Variants in MARCHF3 observed in about 807,000 individuals in gnomAD.
MARCHF3 encodes membrane associated ring-CH-type finger 3.
MARCHF3 carries 13 observed loss-of-function variants against 24.2 expected under a neutral mutation model. The ratio of observed to expected loss-of-function variants is 0.54; its 90% confidence interval spans 0.35 to 0.85. The LOEUF (loss-of-function observed/expected upper bound fraction) is 0.85, where lower values mean the gene tolerates loss of function less well. Ranked by LOEUF, MARCHF3 falls within the 40% of genes least tolerant of loss-of-function variation. MARCHF3 has a pLI of 0.01. For synonymous variants in MARCHF3, 144 were observed against 137.3 expected, an observed-to-expected ratio of 1.05 and a Z score of -0.34; for missense variants, 276 against 325.0, an observed-to-expected ratio of 0.85 and a Z score of 1.16.
At chr5:127,010,359 GA>G (rs780802993) in intron 1 of MARCHF3, among the ~76,000 whole-genome samples, 108 of 152,252 alleles carry the variant, frequency 7.1e-4, no homozygotes, top group Middle Eastern at 3.4e-3. Flanking sequence ...TACACTCCTG[GA>G]TATTTTCCAG....
In MARCHF3 at chr5:126,915,033, T is replaced by A; in HGVS notation, c.290A>T (p.His97Leu). 1.9e-6 allele frequency: 3 copies of A among 1,614,202 alleles called. No homozygotes were observed. Among genetic ancestry groups the A allele is most frequent in the Non-Finnish European group, 2.5e-6 (3 of 1,180,026 alleles). ...CECTGTLGTI[H>L]RSCLEHWLSS... ...CAGCCAGTGCTCCAGGCAGCTCCGA[T>A]GAATTGTCCCCAAGGTCCCTGTACA... The change falls in exon 3 of 5, where the codon CAT becomes CTT. Residue 97 changes from histidine to leucine, a missense_variant. Transcript: ENST00000308660.
intron 1 of MARCHF3, among the ~76,000 whole-genome samples, chr5:126,969,146 A>T (rs1380889253): frequency 1.3e-5 from 2 of 152,196 alleles, no homozygotes; most frequent in African/African-American, 4.8e-5. Flanking sequence ...GTTCTTATGC[A>T]TCTGAATTTT....
intron 3 of MARCHF3, among the ~76,000 whole-genome samples, chr5:126,902,626 C>T (rs937395164): frequency 3.9e-5 from 6 of 152,112 alleles, no homozygotes; most frequent in Non-Finnish European, 7.3e-5. Flanking sequence ...CCATCTGGCA[C>T]GGTCATGTGA....
Position 126,916,692 on chromosome 5 carries a change from G to GACAGACAC in MARCHF3, c.188+1291_188+1292insGTGTCTGT, listed in dbSNP as rs750408549. The stretch of plus-strand genomic sequence containing the variant: ...AAAATACCTGACAGACAGACAGACA[G>GACAGACAC]ACACACACACACACACACACACACA... On this transcript the variant is annotated intron_variant, in intron 2 of 4. Transcript: ENST00000308660. 7.6e-4 allele frequency among the ~76,000 whole-genome samples: 99 copies of GACAGACAC among 130,556 alleles called. 1 individual carries two copies. Among genetic ancestry groups the GACAGACAC allele is most frequent in the South Asian group, 2.4e-3 (9 of 3,772 alleles). The allele number at this position is 130,556 out of a possible 152,430, so 85.6% of individuals were successfully genotyped here.
At chr5:126,989,328 C>A (rs1175476444) in intron 1 of MARCHF3, among the ~76,000 whole-genome samples, 22 of 149,292 alleles carry the variant, frequency 1.5e-4, no homozygotes, top group African/African-American at 4.8e-4. Context: ...ACTACTACTA[C>A]TACTACTACT....
chr5:126,969,554 A>G (rs1750930797), intron 1 of MARCHF3, among the ~76,000 whole-genome samples: 1 of 152,228 alleles, frequency 6.6e-6, no homozygotes, highest in Non-Finnish European at 1.5e-5. Context: ...AATGTAGAGA[A>G]AAGGAAGCAA....
chr5:126,992,254 CTT>C (rs141484604), intron 1 of MARCHF3, among the ~76,000 whole-genome samples: 2,505 of 152,260 alleles, frequency 0.016, 65 homozygotes, highest in African/African-American at 0.057. Context: ...ATTTATTAGT[CTT>C]TATCATTCTG....
intron 1 of MARCHF3, among the ~76,000 whole-genome samples, chr5:126,961,852 C>T (rs1305405276): frequency 6.6e-6 from 1 of 152,178 alleles, no homozygotes; most frequent in Non-Finnish European, 1.5e-5. Context: ...CTAGGTGGAG[C>T]TTGTTTACAT....
At chr5:126,932,890 T>C (rs1749524386) in intron 1 of MARCHF3, among the ~76,000 whole-genome samples, 1 of 152,126 alleles carries the variant, frequency 6.6e-6, no homozygotes. Context: ...ATGGTCCTAT[T>C]TTTTTCTGGG....
intron 1 of MARCHF3, among the ~76,000 whole-genome samples, chr5:126,967,079 A>G (rs1450618773): frequency 6.6e-6 from 1 of 150,804 alleles, no homozygotes; most frequent in Non-Finnish European, 1.5e-5. Flanking sequence ...CCCTAGGAGT[A>G]TACACTCCTA....
At chr5:126,885,347 C>T (rs997316698) in intron 3 of MARCHF3, among the ~76,000 whole-genome samples, 1 of 152,064 alleles carries the variant, frequency 6.6e-6, no homozygotes, top group African/African-American at 2.4e-5. Context: ...GCAGGTGGAT[C>T]GTCTGAGGGC....
intron 1 of MARCHF3, among the ~76,000 whole-genome samples, chr5:126,987,370 A>C (rs1419430473): frequency 6.6e-6 from 1 of 152,234 alleles, no homozygotes; most frequent in Non-Finnish European, 1.5e-5. Context: ...AAGAAAATAA[A>C]AAAGACTGTA....
intron 1 of MARCHF3, among the ~76,000 whole-genome samples, chr5:126,986,568 T>C (rs1431214389): frequency 6.6e-6 from 1 of 152,184 alleles, no homozygotes; most frequent in Non-Finnish European, 1.5e-5. Context: ...TTCATTTAAA[T>C]AGGTCAGAGT....
intron 1 of MARCHF3, among the ~76,000 whole-genome samples, chr5:126,991,448 AATG>A (rs1390557112): frequency 6.6e-5 from 10 of 152,154 alleles, no homozygotes; most frequent in Admixed American, 6.5e-4. Context: ...ACCTAATGTA[AATG>A]ATGAGTTGAT....
intron 3 of MARCHF3, among the ~76,000 whole-genome samples, chr5:126,909,174 C>T (rs565267997): frequency 1.8e-4 from 27 of 152,322 alleles, no homozygotes; most frequent in Admixed American, 2.0e-4. Flanking sequence ...GCAGTCTGCC[C>T]GTTCTCAGAT....
chr5:126,870,407 C>A lies in MARCHF3; in HGVS notation c.*226G>T, dbSNP rs1007857752. On this transcript the variant is annotated 3_prime_UTR_variant, in exon 5 of 5. Transcript: ENST00000308660. ...GTATCTGCTAAATAAACATGTTTGGCAGCTTAGCAAATATCATATGATTGC... is the reference window on the plus strand; with the variant it reads ...GTATCTGCTAAATAAACATGTTTGGAAGCTTAGCAAATATCATATGATTGC... The A allele has an allele frequency of 4.4e-6, 2 of 449,874 alleles. No homozygotes were observed. The highest frequency in any genetic ancestry group is 8.0e-6 in the Non-Finnish European group (2 of 249,110). 27.9% of individuals were successfully genotyped at this position (449,874 alleles called of 1,614,324 possible).
chr5:126,955,326 CT>C (rs1262605456), intron 1 of MARCHF3, among the ~76,000 whole-genome samples: 4 of 152,228 alleles, frequency 2.6e-5, no homozygotes, highest in Non-Finnish European at 1.5e-5. Flanking sequence ...TACAGGGCTT[CT>C]GTTGCAAGTG....
At chr5:126,916,201 G>A (rs57700815) in intron 2 of MARCHF3, among the ~76,000 whole-genome samples, 3,084 of 152,310 alleles carry the variant, frequency 0.02, 73 homozygotes, top group South Asian at 0.11. Flanking sequence ...TGCCCTGGGA[G>A]AGGACCATGC....
intron 4 of MARCHF3, among the ~76,000 whole-genome samples, chr5:126,876,897 G>A (rs187815816): frequency 2.0e-5 from 3 of 152,216 alleles, no homozygotes; most frequent in African/African-American, 7.2e-5. Flanking sequence ...TGATCCGCCC[G>A]CCTCAGCCTC....
Sources: gnomAD v4.1 joint callset for allele counts (sites outside exome capture counted in the v4.1 genomes callset) on GRCh38, gnomAD v4.1.1 for gene constraint, MANE v1.5 for transcripts, NCBI Gene and HGNC (gene_info 2026-07-23, HGNC 2026-07-21) for gene names.